Variants in MMP26 observed in about 807,000 individuals in gnomAD.
The protein encoded by MMP26 is matrix metalloproteinase-26.
Under a neutral mutation model 31.0 loss-of-function variants are expected in MMP26, and 33 were observed. The observed-to-expected ratio is 1.06, with a 90% CI of 0.81 to 1.42. The LOEUF (loss-of-function observed/expected upper bound fraction) is 1.42, where lower values mean the gene tolerates loss of function less well. Ranked by LOEUF, MMP26 falls within the 40% of genes most tolerant of loss-of-function variation. MMP26 has a pLI of 0.00. For synonymous variants in MMP26, 122 were observed against 114.9 expected, an observed-to-expected ratio of 1.06 and a Z score of -0.40; for missense variants, 347 against 316.1, an observed-to-expected ratio of 1.10 and a Z score of -0.74.
chr11:4,803,571 A>G, intron 2 of MMP26: 1 of 1,614,104 alleles, frequency 6.2e-7, no homozygotes, highest in Non-Finnish European at 8.5e-7. Context: ...CTCGGGGCAC[A>G]TCATGGCCAA....
intron 1 of MMP26, among the ~76,000 whole-genome samples, chr11:4,707,321 T>C (rs942731850): frequency 2.0e-5 from 3 of 152,232 alleles, no homozygotes; most frequent in Non-Finnish European, 4.4e-5. Flanking sequence ...GCCATTTGTA[T>C]GTTTTGTTTG....
intron 1 of MMP26, among the ~76,000 whole-genome samples, chr11:4,729,114 A>C (rs976681370): frequency 1.3e-5 from 2 of 151,828 alleles, no homozygotes; most frequent in Non-Finnish European, 2.9e-5. Flanking sequence ...TTTTCATTAA[A>C]TATTAAATAT....
rs182625549 is a variant in MMP26, at chr11:4,818,521, C to T, written c.-145+51180C>T. Among the ~76,000 whole-genome samples, 5 of 151,846 alleles carry T rather than the reference C, an allele frequency of 3.3e-5. No homozygotes were observed. The East Asian group carries it at 9.7e-4, about 29-fold the overall frequency. ...GATTCATTATATTCTTTTTAAATAA[C>T]TTTGGTTTTATTTTTAACTCATTCA... On this transcript the variant is annotated intron_variant, in intron 2 of 7. Coordinates refer to ENST00000380390, the MANE Select transcript of MMP26 (RefSeq NM_021801.5).
intron 2 of MMP26, among the ~76,000 whole-genome samples, chr11:4,873,686 A>T (rs1300475606): frequency 6.6e-6 from 1 of 152,066 alleles, no homozygotes; most frequent in Non-Finnish European, 1.5e-5. Context: ...TAGATAATAC[A>T]TGGGCATTTA....
intron 2 of MMP26, among the ~76,000 whole-genome samples, chr11:4,884,617 A>G (rs564298454): frequency 1.3e-5 from 2 of 152,060 alleles, no homozygotes; most frequent in Non-Finnish European, 2.9e-5. Flanking sequence ...CACTAATCTA[A>G]CCATCCAAAC....
At chr11:4,746,877 A>AC (rs59771619) in intron 1 of MMP26, among the ~76,000 whole-genome samples, 13 of 144,534 alleles carry the variant, frequency 9.0e-5, no homozygotes, top group East Asian at 2.1e-4. Context: ...ACACACACAC[A>AC]AAGGCTATAC....
At chr11:4,901,652 A>C (rs1850804078) in intron 2 of MMP26, among the ~76,000 whole-genome samples, 1 of 152,086 alleles carries the variant, frequency 6.6e-6, no homozygotes, top group South Asian at 2.1e-4. Flanking sequence ...TTTGTCTATT[A>C]ACTGAGAGAG....
chr11:4,887,549 A>G (rs946610116), intron 2 of MMP26, among the ~76,000 whole-genome samples: 6 of 152,146 alleles, frequency 3.9e-5, no homozygotes, highest in Non-Finnish European at 4.4e-5. Flanking sequence ...ACTGTTTTTC[A>G]GGACAGCTTC....
At chr11:4,932,411 C>G (rs79726012) in intron 2 of MMP26, among the ~76,000 whole-genome samples, 2 of 152,128 alleles carry the variant, frequency 1.3e-5, no homozygotes, top group Admixed American at 6.6e-5. Flanking sequence ...AGGTTCTATC[C>G]TGTTTCCTGG....
chr11:4,746,580 G>A (rs1320123173), intron 1 of MMP26, among the ~76,000 whole-genome samples: 2 of 152,136 alleles, frequency 1.3e-5, no homozygotes, highest in Non-Finnish European at 2.9e-5. Flanking sequence ...GCTCACGCCT[G>A]TAATCCCAGT....
chr11:4,945,842 G>T, intron 2 of MMP26: 1 of 363,982 alleles, frequency 2.7e-6, no homozygotes. Flanking sequence ...GAGATTGAAT[G>T]TAGATAATGA....
In MMP26 at chr11:4,793,289, C is replaced by T. The variant is rs115871956; in HGVS notation, c.-145+25948C>T. 3.4e-3 allele frequency among the ~76,000 whole-genome samples: 524 copies of T among 152,288 alleles called. 2 individuals are homozygous for T. Among genetic ancestry groups the T allele is most frequent in the African/African-American group, 0.012 (487 of 41,560 alleles). On this transcript the variant is annotated intron_variant, in intron 2 of 7. Coordinates refer to ENST00000380390, the MANE Select transcript of MMP26 (RefSeq NM_021801.5). ...TGAGAACTCAGTCTCTGGTGCAAAT[C>T]TCCTTGAGGAACACAGAAGCAACCA...
At chr11:4,722,245 A>G (rs908810462) in intron 1 of MMP26, among the ~76,000 whole-genome samples, 15 of 152,290 alleles carry the variant, frequency 9.8e-5, no homozygotes, top group African/African-American at 3.4e-4. Flanking sequence ...CATGTCCATT[A>G]TTCTATAATT....
intron 2 of MMP26, among the ~76,000 whole-genome samples, chr11:4,885,750 C>T (rs572463049): frequency 6.6e-6 from 1 of 152,136 alleles, no homozygotes; most frequent in South Asian, 2.1e-4. Flanking sequence ...AGTTTACATG[C>T]AAAGGTATGT....
At chr11:4,821,015 A>G (rs959469696) in intron 2 of MMP26, among the ~76,000 whole-genome samples, 2 of 152,158 alleles carry the variant, frequency 1.3e-5, no homozygotes, top group African/African-American at 4.8e-5. Context: ...GATATGACTT[A>G]GTTTGCTCAG....
At chr11:4,934,449 G>A (rs1265701349) in intron 2 of MMP26, among the ~76,000 whole-genome samples, 2 of 81,252 alleles carry the variant, frequency 2.5e-5, no homozygotes, top group Non-Finnish European at 4.8e-5. Flanking sequence ...AAATTTGTTT[G>A]AGTTCATTGT....
At chr11:4,916,828 A>C (rs1435901286) in intron 2 of MMP26, among the ~76,000 whole-genome samples, 1 of 152,218 alleles carries the variant, frequency 6.6e-6, no homozygotes, top group Non-Finnish European at 1.5e-5. Context: ...TGTGGACCTA[A>C]GTGGCAGGAG....
chr11:4,755,726 A>T (rs1205689673), intron 1 of MMP26, among the ~76,000 whole-genome samples: 1 of 152,058 alleles, frequency 6.6e-6, no homozygotes, highest in Non-Finnish European at 1.5e-5. Flanking sequence ...TAGAAACTGG[A>T]AATTATACCA....
chr11:4,929,422 T>C (rs566286346), intron 2 of MMP26, among the ~76,000 whole-genome samples: 13 of 152,156 alleles, frequency 8.5e-5, no homozygotes, highest in Admixed American at 5.2e-4. Context: ...GTGGCCAAAT[T>C]GATATAATCA....
Sources: allele counts gnomAD v4.1 joint callset (sites outside exome capture counted in the v4.1 genomes callset), GRCh38; gene constraint gnomAD v4.1.1; transcripts MANE v1.5; gene names NCBI Gene and HGNC (gene_info 2026-07-23, HGNC 2026-07-21).